Variants in RBFOX1 observed in about 807,000 individuals in gnomAD.
RBFOX1 encodes the protein RNA binding fox-1 homolog 1.
Under a neutral mutation model 57.7 loss-of-function variants are expected in RBFOX1, and 8 were observed. The observed-to-expected ratio is 0.14, with a 90% CI of 0.08 to 0.25. RBFOX1 has a LOEUF of 0.25. Among genes scored for constraint, RBFOX1 ranks in the 10% least tolerant of loss-of-function variants. The pLI is 1.00. For missense variants in RBFOX1, 611 were observed against 548.5 expected (o/e 1.11, Z -1.14); for synonymous variants, 326 against 222.4 (o/e 1.47, Z -4.15).
chr16:7,167,672 G>C (rs147374671), intron 4 of RBFOX1, among the ~76,000 whole-genome samples: 200 of 152,354 alleles, frequency 1.3e-3, no homozygotes, highest in African/African-American at 4.6e-3. Flanking sequence ...TAATTCACTA[G>C]AGGGCTGCAA....
At chr16:5,964,716 TTA>T (rs2059811168) in intron 4 of RBFOX1, among the ~76,000 whole-genome samples, 1 of 151,980 alleles carries the variant, frequency 6.6e-6, no homozygotes, top group African/African-American at 2.4e-5. Context: ...ACATATACAC[TTA>T]TATATACACA....
chr16:6,206,163 G>A (rs2152839028), intron 1 of RBFOX1, among the ~76,000 whole-genome samples: 1 of 152,194 alleles, frequency 6.6e-6, no homozygotes, highest in Admixed American at 6.5e-5. Flanking sequence ...TATGATTTGA[G>A]CCTCCTCTCT....
intron 3 of RBFOX1, among the ~76,000 whole-genome samples, chr16:6,947,928 C>T (rs1482770867): frequency 6.6e-6 from 1 of 152,106 alleles, no homozygotes; most frequent in African/African-American, 2.4e-5. Flanking sequence ...AGGCTCAACC[C>T]ACCATGCCCA....
chr16:6,027,031 A>G (rs147512896), intron 1 of RBFOX1, among the ~76,000 whole-genome samples: 109 of 152,366 alleles, frequency 7.2e-4, no homozygotes, highest in African/African-American at 2.4e-3. Context: ...AACTTGTGCA[A>G]TCACCTTGTT....
At chr16:5,590,251 G>A (rs2046964030) in intron 2 of RBFOX1, among the ~76,000 whole-genome samples, 2 of 152,064 alleles carry the variant, frequency 1.3e-5, no homozygotes, top group Admixed American at 6.6e-5. Flanking sequence ...GTTCCAAAGA[G>A]GGGAAAAAAA....
intron 4 of RBFOX1, among the ~76,000 whole-genome samples, chr16:7,142,185 G>C (rs887836571): frequency 2.6e-5 from 4 of 151,944 alleles, no homozygotes; most frequent in Non-Finnish European, 5.9e-5. Context: ...CACCACACCT[G>C]ACCAATTTCT....
At chr16:6,898,586 T>G (rs9935353) in intron 3 of RBFOX1, among the ~76,000 whole-genome samples, 83,179 of 152,012 alleles carry the variant, frequency 0.55, 24,744 homozygotes, top group African/African-American at 0.79. Context: ...ACTTCTCATG[T>G]CCGTGGGAGT....
At chr16:6,324,844 C>T (rs575927966) in intron 2 of RBFOX1, among the ~76,000 whole-genome samples, 1 of 152,276 alleles carries the variant, frequency 6.6e-6, no homozygotes, top group South Asian at 2.1e-4. Context: ...ATTATCTCAG[C>T]AAGACAGAGA....
Position 6,809,201 on chromosome 16 carries a change from C to G in RBFOX1, c.-16+154551C>G, listed in dbSNP as rs534898736. 9.8e-5 allele frequency among the ~76,000 whole-genome samples: 15 copies of G among 152,296 alleles called. No individual in the cohort carries two copies. In the East Asian group the frequency reaches 2.5e-3, roughly 25 times the overall value. Reference sequence around the variant, plus strand: ...TTTTCTGTCTATGAATTTTCTTTCACCACCTTGGCTACGCTGGAGTCTCTG... The same window carrying G: ...TTTTCTGTCTATGAATTTTCTTTCAGCACCTTGGCTACGCTGGAGTCTCTG... On this transcript the variant is annotated intron_variant, in intron 3 of 15. Transcript: ENST00000550418.
intron 3 of RBFOX1, among the ~76,000 whole-genome samples, chr16:5,824,002 A>G (rs566197877): frequency 2.6e-5 from 4 of 152,280 alleles, no homozygotes; most frequent in Non-Finnish European, 4.4e-5. Flanking sequence ...CCACTGATCT[A>G]TGGTATAAGA....
chr16:5,748,567 C>T (rs1438532684), intron 3 of RBFOX1, among the ~76,000 whole-genome samples: 1 of 152,120 alleles, frequency 6.6e-6, no homozygotes, highest in Non-Finnish European at 1.5e-5. Flanking sequence ...GTATTGGGTG[C>T]ATATATATTT....
chr16:6,536,733 C>T (rs745841844), intron 2 of RBFOX1, among the ~76,000 whole-genome samples: 1 of 151,998 alleles, frequency 6.6e-6, no homozygotes, highest in Non-Finnish European at 1.5e-5. Flanking sequence ...AAGATGGCTT[C>T]TAAGTGGAAA....
chr16:5,835,743 G>A (rs181239632), intron 3 of RBFOX1, among the ~76,000 whole-genome samples: 52 of 152,284 alleles, frequency 3.4e-4, no homozygotes, highest in African/African-American at 9.6e-4. Context: ...TTTAGTTCTT[G>A]ATTAAACTCA....
intron 4 of RBFOX1, among the ~76,000 whole-genome samples, chr16:5,876,196 G>T (rs1011294613): frequency 2.0e-5 from 3 of 152,010 alleles, no homozygotes; most frequent in Non-Finnish European, 4.4e-5. Context: ...ACAACCAAAT[G>T]GGGGGAAAAA....
intron 5 of RBFOX1, among the ~76,000 whole-genome samples, chr16:7,573,571 A>T (rs3826219): frequency 6.6e-6 from 1 of 151,746 alleles, no homozygotes; most frequent in Non-Finnish European, 1.5e-5. Context: ...CAGTGGCTCA[A>T]GCCTGTAATC....
At chr16:5,784,135 C>A (rs1022480959) in intron 3 of RBFOX1, among the ~76,000 whole-genome samples, 1 of 152,112 alleles carries the variant, frequency 6.6e-6, no homozygotes, top group Non-Finnish European at 1.5e-5. Flanking sequence ...GAAGAGGAAG[C>A]AGGCAGCCGG....
At chr16:6,233,622 T>C (rs1234014593) in intron 1 of RBFOX1, among the ~76,000 whole-genome samples, 1 of 152,114 alleles carries the variant, frequency 6.6e-6, no homozygotes, top group Non-Finnish European at 1.5e-5. Context: ...TGATTTTTTA[T>C]CAAAGAAATG....
intron 10 of RBFOX1, among the ~76,000 whole-genome samples, chr16:7,609,270 G>T (rs1039305947): frequency 1.3e-5 from 2 of 152,152 alleles, no homozygotes; most frequent in South Asian, 4.1e-4. Context: ...TGTTGTGGTG[G>T]AGAGGGCAAA....
At chr16:6,502,375 C>T (rs2095962140) in intron 2 of RBFOX1, among the ~76,000 whole-genome samples, 1 of 152,132 alleles carries the variant, frequency 6.6e-6, no homozygotes, top group Non-Finnish European at 1.5e-5. Flanking sequence ...GTGTCCCAAA[C>T]CAGTGGTATA....
Sources: allele counts gnomAD v4.1 joint callset (sites outside exome capture counted in the v4.1 genomes callset), GRCh38; gene constraint gnomAD v4.1.1; transcripts MANE v1.5; gene names NCBI Gene and HGNC (gene_info 2026-07-23, HGNC 2026-07-21).